The following AUH variants were observed in gnomAD, a reference collection of about 807,000 sequenced individuals.
AUH encodes the protein AU RNA binding methylglutaconyl-CoA hydratase.
AUH carries 29 observed loss-of-function variants against 42.3 expected under a neutral mutation model. That is an observed-to-expected ratio of 0.69 (90% CI 0.51 to 0.93). The LOEUF is 0.93. Ranked by LOEUF, AUH falls within the 40% of genes least tolerant of loss-of-function variation. The pLI is 0.00. For missense variants in AUH, 452 were observed against 438.1 expected (o/e 1.03, Z -0.28); for synonymous variants, 174 against 166.4 (o/e 1.05, Z -0.35).
intron 6 of AUH, among the ~76,000 whole-genome samples, chr9:91,223,958 C>T (rs1420297892): frequency 6.6e-6 from 1 of 152,160 alleles, no homozygotes; most frequent in Non-Finnish European, 1.5e-5. Context: ...GACCAGATGA[C>T]TCCTTGCCCC....
At chr9:91,280,595 G>A (rs1370143188) in intron 6 of AUH, among the ~76,000 whole-genome samples, 1 of 152,040 alleles carries the variant, frequency 6.6e-6, no homozygotes, top group Non-Finnish European at 1.5e-5. Flanking sequence ...AATGAAAAAA[G>A]GGCAGTTAAA....
At chr9:91,340,757 G>A (rs1332341432) in intron 3 of AUH, among the ~76,000 whole-genome samples, 1 of 152,174 alleles carries the variant, frequency 6.6e-6, no homozygotes, top group Non-Finnish European at 1.5e-5. Flanking sequence ...GCAAAGCCCA[G>A]TGTAACTGAC....
intron 3 of AUH, among the ~76,000 whole-genome samples, chr9:91,330,193 G>A (rs994617677): frequency 1.3e-5 from 2 of 152,048 alleles, no homozygotes; most frequent in East Asian, 3.8e-4. Context: ...AAATTTGAAT[G>A]TGAAATCTCG....
At chr9:91,338,201 A>G (rs1277094283) in intron 3 of AUH, among the ~76,000 whole-genome samples, 1 of 152,134 alleles carries the variant, frequency 6.6e-6, no homozygotes, top group Non-Finnish European at 1.5e-5. Context: ...ACTAACCAAA[A>G]CCAAAACCCT....
At chr9:91,286,785 T>A (rs1212043417) in intron 6 of AUH, among the ~76,000 whole-genome samples, 1 of 151,986 alleles carries the variant, frequency 6.6e-6, no homozygotes, top group Non-Finnish European at 1.5e-5. Context: ...CCTATCGTGT[T>A]TGTATGGGGA....
At chr9:91,355,993 G>T in intron 2 of AUH, 23 bp from the exon 3 acceptor site, 2 of 1,604,576 alleles carry the variant, frequency 1.2e-6, no homozygotes, top group Non-Finnish European at 8.5e-7. Context: ...AGGAAGCATA[G>T]GAGGAAAAAG....
At chr9:91,255,684 A>G (rs554572111) in intron 6 of AUH, among the ~76,000 whole-genome samples, 7 of 152,346 alleles carry the variant, frequency 4.6e-5, no homozygotes, top group African/African-American at 1.7e-4. Flanking sequence ...CTGGGCATAT[A>G]TATCTATTTT....
intron 6 of AUH, among the ~76,000 whole-genome samples, chr9:91,265,479 C>T (rs1031187915): frequency 6.6e-6 from 1 of 152,148 alleles, no homozygotes; most frequent in Non-Finnish European, 1.5e-5. Context: ...TCCTCATGTA[C>T]TCCATGACCT....
chr9:91,294,899 G>C, intron 6 of AUH: 2 of 398,086 alleles, frequency 5.0e-6, no homozygotes, highest in South Asian at 1.9e-5. Flanking sequence ...AATGGATGGG[G>C]AGTTGCTTCT....
intron 4 of AUH, among the ~76,000 whole-genome samples, chr9:91,314,817 G>A (rs934424565): frequency 1.2e-4 from 19 of 152,204 alleles, no homozygotes; most frequent in Non-Finnish European, 2.6e-4. Flanking sequence ...CCCTTCTGCC[G>A]TTCTGTCAAA....
intron 5 of AUH, among the ~76,000 whole-genome samples, chr9:91,296,296 C>T (rs1827327178): frequency 1.3e-5 from 2 of 151,890 alleles, no homozygotes; most frequent in Non-Finnish European, 2.9e-5. Context: ...TTAAAAACTG[C>T]TTGGCAGTGA....
chr9:91,243,735 G>C (rs910204372), intron 6 of AUH, among the ~76,000 whole-genome samples: 1 of 152,178 alleles, frequency 6.6e-6, no homozygotes, highest in Admixed American at 6.5e-5. Flanking sequence ...AGCCCGGGTG[G>C]AGCAGCCCAC....
At chr9:91,267,560 C>CA (rs2131484477) in intron 6 of AUH, among the ~76,000 whole-genome samples, 1 of 152,276 alleles carries the variant, frequency 6.6e-6, no homozygotes, top group African/African-American at 2.4e-5. Context: ...GCTTGCCCCT[C>CA]AGAGTCTTCC....
chr9:91,291,686 C>T (rs76477605), intron 6 of AUH, among the ~76,000 whole-genome samples: 3,835 of 152,146 alleles, frequency 0.025, 77 homozygotes, highest in East Asian at 0.066. Context: ...TCACTGTAAC[C>T]TATGTTTTAA....
intron 6 of AUH, among the ~76,000 whole-genome samples, chr9:91,266,080 C>T (rs914789322): frequency 1.3e-5 from 2 of 151,966 alleles, no homozygotes; most frequent in African/African-American, 4.8e-5. Context: ...AGGAAAGTTA[C>T]GGCCGGGCAC....
intron 3 of AUH, among the ~76,000 whole-genome samples, chr9:91,344,472 G>GC (rs759185908): frequency 5.3e-5 from 8 of 152,148 alleles, no homozygotes; most frequent in Non-Finnish European, 8.8e-5. Context: ...ATCTCCTGGG[G>GC]CTGGTCACTC....
At chr9:91,298,981 G>A (rs564482472) in intron 4 of AUH, among the ~76,000 whole-genome samples, 13 of 152,182 alleles carry the variant, frequency 8.5e-5, no homozygotes, top group Non-Finnish European at 1.3e-4. Context: ...CACTTTGGGA[G>A]GCCGAGGTGG....
At chr9:91,257,654 T>A (rs766515896) in intron 6 of AUH, among the ~76,000 whole-genome samples, 1 of 152,244 alleles carries the variant, frequency 6.6e-6, no homozygotes, top group Non-Finnish European at 1.5e-5. Flanking sequence ...GGCTCTGTTA[T>A]GTCTGTTCTC....
At chr9:91,294,741 T>C in intron 6 of AUH, 1 of 455,922 alleles carries the variant, frequency 2.2e-6, no homozygotes, top group South Asian at 1.5e-5. Flanking sequence ...TGGAAGATGA[T>C]GATTCCAATC....
Sources: gnomAD v4.1 joint callset for allele counts (sites outside exome capture counted in the v4.1 genomes callset) on GRCh38, gnomAD v4.1.1 for gene constraint, MANE v1.5 for transcripts, NCBI Gene and HGNC (gene_info 2026-07-23, HGNC 2026-07-21) for gene names.